PCDH15: variants seen among roughly 807,000 people sequenced by gnomAD.
The protein encoded by PCDH15 is protocadherin related 15.
Under a neutral mutation model 178.5 loss-of-function variants are expected in PCDH15, and 129 were observed. The ratio of observed to expected loss-of-function variants is 0.72; its 90% confidence interval spans 0.63 to 0.84. The LOEUF is 0.84. PCDH15 is among the 40% of genes least tolerant of loss of function. The pLI is 0.00. For missense variants in PCDH15, 2,230 were observed against 2,099.9 expected (o/e 1.06, Z -1.21); for synonymous variants, 800 against 732.0 (o/e 1.09, Z -1.50).
intron 2 of PCDH15, among the ~76,000 whole-genome samples, chr10:55,392,590 C>T (rs1047082662): frequency 1.3e-5 from 2 of 151,846 alleles, no homozygotes; most frequent in Non-Finnish European, 2.9e-5. Context: ...TTATGTCCAT[C>T]AAAATAAAAT....
intron 2 of PCDH15, 25 bp from the exon 3 acceptor site, chr10:54,527,902 T>C (rs1401966772): frequency 1.3e-6 from 2 of 1,582,754 alleles, no homozygotes; most frequent in Non-Finnish European, 8.7e-7. Context: ...TAACCAAAAG[T>C]AATAATTGAC....
At chr10:55,365,149 CT>C (rs1245939105) in intron 2 of PCDH15, among the ~76,000 whole-genome samples, 3 of 152,064 alleles carry the variant, frequency 2.0e-5, no homozygotes. Flanking sequence ...ATGTGTCAGA[CT>C]TCCTCAATTC....
At chr10:54,377,515 A>G (rs1476529302) in intron 4 of PCDH15, among the ~76,000 whole-genome samples, 3 of 152,190 alleles carry the variant, frequency 2.0e-5, no homozygotes, top group Admixed American at 6.6e-5. Context: ...TAAGTAATAA[A>G]GCACATAGTA....
intron 8 of PCDH15, among the ~76,000 whole-genome samples, chr10:54,286,154 A>C (rs2132849687): frequency 6.6e-6 from 1 of 152,304 alleles, no homozygotes. Flanking sequence ...ATTATGGTAA[A>C]AAGTATTGTA....
At chr10:55,335,095 C>T (rs1318059070) in intron 2 of PCDH15, among the ~76,000 whole-genome samples, 4 of 152,170 alleles carry the variant, frequency 2.6e-5, no homozygotes, top group Admixed American at 2.6e-4. Context: ...CCTAAGTATC[C>T]ATAGCCCCTT....
At chr10:55,398,244 G>C (rs1244773781) in intron 2 of PCDH15, among the ~76,000 whole-genome samples, 1 of 151,932 alleles carries the variant, frequency 6.6e-6, no homozygotes, top group Non-Finnish European at 1.5e-5. Flanking sequence ...GCTCAGCAGG[G>C]AAACCCTTTA....
chr10:55,133,665 T>C (rs1838113492), intron 2 of PCDH15, among the ~76,000 whole-genome samples: 1 of 152,136 alleles, frequency 6.6e-6, no homozygotes, highest in Non-Finnish European at 1.5e-5. Context: ...TGTCAAAATA[T>C]AAATTATGGA....
At chr10:54,959,552 T>C (rs925285990) in intron 2 of PCDH15, among the ~76,000 whole-genome samples, 18 of 152,056 alleles carry the variant, frequency 1.2e-4, no homozygotes, top group Non-Finnish European at 1.8e-4. Context: ...GAACACATTT[T>C]ATGATCATTT....
intron 2 of PCDH15, among the ~76,000 whole-genome samples, chr10:55,145,470 T>C (rs1176192181): frequency 6.6e-6 from 1 of 152,002 alleles, no homozygotes; most frequent in Non-Finnish European, 1.5e-5. Flanking sequence ...ATTCTGAACT[T>C]GCATATTAGC....
intron 16 of PCDH15, among the ~76,000 whole-genome samples, chr10:54,086,570 T>C (rs1276547318): frequency 1.3e-5 from 2 of 152,292 alleles, no homozygotes; most frequent in African/African-American, 2.4e-5. Context: ...ATGTCAGTTA[T>C]TGTTCTCCAT....
intron 8 of PCDH15, among the ~76,000 whole-genome samples, chr10:54,244,846 GCAGA>G (rs1174441209): frequency 2.0e-5 from 3 of 152,184 alleles, no homozygotes; most frequent in African/African-American, 7.2e-5. Context: ...AAGAAATTGA[GCAGA>G]CAGAGTTTGC....
intron 3 of PCDH15, among the ~76,000 whole-genome samples, chr10:54,435,736 T>G (rs967012935): frequency 4.6e-5 from 7 of 151,932 alleles, no homozygotes; most frequent in Admixed American, 2.0e-4. Flanking sequence ...TTTGGGAGGC[T>G]GAGAAGGGCG....
intron 28 of PCDH15, among the ~76,000 whole-genome samples, chr10:53,853,375 T>A (rs1304276874): frequency 6.6e-6 from 1 of 152,060 alleles, no homozygotes; most frequent in Non-Finnish European, 1.5e-5. Context: ...ATTTATTGAA[T>A]ATGACACCAA....
chr10:55,573,636 A>G (rs1460683819), intron 2 of PCDH15, among the ~76,000 whole-genome samples: 1 of 152,144 alleles, frequency 6.6e-6, no homozygotes, highest in Non-Finnish European at 1.5e-5. Context: ...TTAACTGTTT[A>G]TCAAAAGAAA....
intron 25 of PCDH15, among the ~76,000 whole-genome samples, chr10:53,913,459 C>G (rs1033026979): frequency 6.6e-6 from 1 of 151,794 alleles, no homozygotes; most frequent in East Asian, 1.9e-4. Context: ...TCTAGCCGGG[C>G]GCGGTGGCTC....
intron 2 of PCDH15, among the ~76,000 whole-genome samples, chr10:55,145,488 G>T (rs568366018): frequency 7.9e-5 from 12 of 151,992 alleles, no homozygotes; most frequent in African/African-American, 2.7e-4. Context: ...AGCCCTCAAA[G>T]CATGTTCTTT....
chr10:54,086,461 C>T (rs1473371947), intron 16 of PCDH15, among the ~76,000 whole-genome samples: 1 of 152,094 alleles, frequency 6.6e-6, no homozygotes, highest in Non-Finnish European at 1.5e-5. Context: ...CAAACTATAG[C>T]AGTACCTGGA....
chr10:55,088,788 T>TA (rs144167058), intron 2 of PCDH15, among the ~76,000 whole-genome samples: 6,176 of 152,186 alleles, frequency 0.041, 306 homozygotes, highest in East Asian at 0.14. Context: ...CCTTCATAAA[T>TA]AAAAATATAT....
chr10:55,344,747 C>A (rs556116372), intron 2 of PCDH15, among the ~76,000 whole-genome samples: 2 of 151,928 alleles, frequency 1.3e-5, no homozygotes, highest in African/African-American at 4.8e-5. Context: ...AATAGGTCCA[C>A]GCTTGAAAAA....
Sources: gnomAD v4.1 joint callset for allele counts (sites outside exome capture counted in the v4.1 genomes callset) on GRCh38, gnomAD v4.1.1 for gene constraint, MANE v1.5 for transcripts, NCBI Gene and HGNC (gene_info 2026-07-23, HGNC 2026-07-21) for gene names.